Variants in SNTB2 observed in about 807,000 individuals in gnomAD.
SNTB2 encodes beta-2-syntrophin.
Under a neutral mutation model 46.2 loss-of-function variants are expected in SNTB2, and 34 were observed. The observed-to-expected ratio is 0.74, with a 90% confidence interval of 0.56 to 0.98. The LOEUF (loss-of-function observed/expected upper bound fraction) is 0.98. Among genes scored for constraint, SNTB2 ranks in the 50% least tolerant of loss-of-function variants. The pLI, the probability that SNTB2 is intolerant of heterozygous loss-of-function variation, is 0.00. For missense variants in SNTB2, 603 were observed against 731.4 expected, an observed-to-expected ratio of 0.82 and a Z score of 2.02; for synonymous variants, 290 against 312.6, an observed-to-expected ratio of 0.93 and a Z score of 0.76.
intron 1 of SNTB2, among the ~76,000 whole-genome samples, chr16:69,206,430 G>A (rs745668890): frequency 1.6e-4 from 25 of 152,024 alleles, no homozygotes; most frequent in South Asian, 4.1e-4. Context: ...GGCCAGGCGC[G>A]GTGGCTCACG....
At chr16:69,210,946 G>A (rs1964278042) in intron 1 of SNTB2, among the ~76,000 whole-genome samples, 1 of 152,002 alleles carries the variant, frequency 6.6e-6, no homozygotes. Context: ...AGCCGAGATT[G>A]CACCACTCCA....
intron 5 of SNTB2, among the ~76,000 whole-genome samples, chr16:69,289,012 A>G (rs898224738): frequency 1.3e-5 from 2 of 152,002 alleles, no homozygotes; most frequent in South Asian, 2.1e-4. Context: ...GCTCACACCT[A>G]TAATCCCAGC....
intron 1 of SNTB2, among the ~76,000 whole-genome samples, chr16:69,235,178 A>ATT (rs540699447): frequency 1.4e-5 from 2 of 143,336 alleles, no homozygotes; most frequent in Admixed American, 7.0e-5. Context: ...TGCCCAGCTA[A>ATT]TTTTTTTTTT....
chr16:69,211,487 T>C (rs1469237245), intron 1 of SNTB2, among the ~76,000 whole-genome samples: 1 of 150,460 alleles, frequency 6.6e-6, no homozygotes, highest in African/African-American at 2.5e-5. Flanking sequence ...ACCCAGGAGT[T>C]TGAGGTTTGA....
chr16:69,204,866 A>G (rs1964198265), intron 1 of SNTB2, among the ~76,000 whole-genome samples: 1 of 152,200 alleles, frequency 6.6e-6, no homozygotes, highest in Non-Finnish European at 1.5e-5. Context: ...TAGTTTAACC[A>G]CTGGTGAATG....
At chr16:69,270,994 G>A (rs1394034103) in intron 4 of SNTB2, among the ~76,000 whole-genome samples, 1 of 152,182 alleles carries the variant, frequency 6.6e-6, no homozygotes, top group Non-Finnish European at 1.5e-5. Context: ...GTATTTAGTA[G>A]TCAAAAGAGC....
At chr16:69,298,710 C>CG (rs745943619) in intron 5 of SNTB2, among the ~76,000 whole-genome samples, 3 of 151,636 alleles carry the variant, frequency 2.0e-5, no homozygotes, top group Non-Finnish European at 4.4e-5. Flanking sequence ...TTAGTAGAGA[C>CG]GGGGTTTCGC....
chr16:69,260,057 G>A lies in SNTB2; in HGVS notation c.802G>A (p.Glu268Lys), dbSNP rs1448669816. The A allele has an allele frequency of 6.2e-7, 1 of 1,611,230 alleles. No homozygotes were observed. Residue 268 changes from glutamate (E) to lysine (K), a missense_variant, in exon 3 of 7, where the codon GAG becomes AAG. Physicochemically the swap from Glu to Lys is moderately conservative, Grantham distance 56. This residue lies in a region of SNTB2 where 537 missense variants were observed against 692.4 expected (regional missense o/e 0.78). Coordinates refer to ENST00000336278, the MANE Select transcript of SNTB2 (RefSeq NM_006750.4). ...SMPDLENRLIELHSPDSRNTL... is the reference protein window; with the variant it reads ...SMPDLENRLIKLHSPDSRNTL... The stretch of plus-strand genomic sequence containing the variant: ...TTTTCTTTTTCCACACAGATTGATA[G>A]AGCTACATTCTCCTGATAGCAGGAA...
chr16:69,238,073 A>G (rs1049180443), intron 1 of SNTB2, among the ~76,000 whole-genome samples: 4 of 152,056 alleles, frequency 2.6e-5, no homozygotes, highest in African/African-American at 4.8e-5. Context: ...TCTACATGCC[A>G]TCTGTCCCGG....
chr16:69,289,672 G>T (rs1332737172), intron 5 of SNTB2, among the ~76,000 whole-genome samples: 6 of 151,692 alleles, frequency 4.0e-5, no homozygotes, highest in African/African-American at 1.5e-4. Flanking sequence ...ACTGTGGTTC[G>T]CACCTATAAT....
chr16:69,203,055 G>C (rs576802511), intron 1 of SNTB2, among the ~76,000 whole-genome samples: 23 of 151,688 alleles, frequency 1.5e-4, no homozygotes, highest in African/African-American at 5.6e-4. Flanking sequence ...TCTCGCTCTT[G>C]TTGCCCAGGC....
chr16:69,235,927 C>A, intron 1 of SNTB2: 2 of 1,131,400 alleles, frequency 1.8e-6, no homozygotes, highest in Non-Finnish European at 2.3e-6. Context: ...ACTGGTTTAT[C>A]TGTGCTACAT....
chr16:69,276,933 A>G (rs998466124), intron 4 of SNTB2, among the ~76,000 whole-genome samples: 1 of 152,192 alleles, frequency 6.6e-6, no homozygotes, highest in Non-Finnish European at 1.5e-5. Flanking sequence ...ATTTTATTTA[A>G]TCTTGACCCT....
Position 69,218,832 on chromosome 16 carries a change from G to C in SNTB2, c.581-26770G>C, listed in dbSNP as rs1194976432. On this transcript the variant is annotated intron_variant, in intron 1 of 6. Coordinates refer to ENST00000336278, the MANE Select transcript of SNTB2 (RefSeq NM_006750.4). ...ATGTTTGTTCTGTTATTCATAATAAGGTTGTTTATCTCATGATTGCAACTC... is the reference window on the plus strand; with the variant it reads ...ATGTTTGTTCTGTTATTCATAATAACGTTGTTTATCTCATGATTGCAACTC... Among the ~76,000 whole-genome samples, 4 of 152,134 alleles carry C rather than the reference G, an allele frequency of 2.6e-5. No individual in the cohort carries two copies. In the East Asian group the frequency reaches 7.7e-4, roughly 29 times the overall value.
intron 5 of SNTB2, among the ~76,000 whole-genome samples, chr16:69,287,233 A>T (rs910313849): frequency 7.3e-5 from 11 of 150,998 alleles, no homozygotes; most frequent in African/African-American, 1.5e-4. Context: ...CTTTTTTTTT[A>T]AATTGTTTTT....
intron 1 of SNTB2, among the ~76,000 whole-genome samples, chr16:69,208,429 A>T (rs576522728): frequency 1.1e-4 from 17 of 151,582 alleles, no homozygotes; most frequent in African/African-American, 4.1e-4. Context: ...AAAGTAAAAG[A>T]TATAGTATAG....
chr16:69,301,037 G>T lies in SNTB2; in HGVS notation c.*113G>T, dbSNP rs531763342. The T allele has an allele frequency of 4.1e-4, 272 of 658,868 alleles. No homozygotes were observed. The highest frequency in any genetic ancestry group is 6.6e-4 in the Non-Finnish European group (247 of 373,646). The allele number at this position is 658,868 out of a possible 1,614,324, so 40.8% of individuals were successfully genotyped here. On this transcript the variant is annotated 3_prime_UTR_variant, in exon 7 of 7. Coordinates refer to ENST00000336278, the MANE Select transcript of SNTB2 (RefSeq NM_006750.4). ...CTCCTTCAGCACAGTGCCTTCCCAA[G>T]GACCTGCAAATAACTGCTGAACCAT... is the stretch of plus-strand genomic sequence containing the variant.
rs1597200000 is a variant in SNTB2 at position 69,284,140 on chromosome 16, T to C, written c.1241T>C (p.Met414Thr). ...TRTGSRQGIE[M>T]HLFRVETHRD... ...ACAGGCTCTCGACAGGGCATTGAGATGCATCTCTTCAGGGTGGAGACACAT... is the reference window on the plus strand; with the variant it reads ...ACAGGCTCTCGACAGGGCATTGAGACGCATCTCTTCAGGGTGGAGACACAT... The change falls in exon 5 of 7, where the codon ATG (methionine) becomes ACG (threonine). Residue 414 changes from methionine to threonine, a missense_variant. By Grantham distance (81) the Met-to-Thr change is moderately conservative. Transcript: ENST00000336278. 1 of 1,614,104 alleles carries C rather than the reference T, an allele frequency of 6.2e-7. No homozygotes were observed. The highest frequency in any genetic ancestry group is 8.5e-7 in the Non-Finnish European group (1 of 1,180,012).
chr16:69,298,947 AT>A (rs1260476477), intron 5 of SNTB2, among the ~76,000 whole-genome samples: 1 of 152,036 alleles, frequency 6.6e-6, no homozygotes, highest in African/African-American at 2.4e-5. Context: ...ACAATTGGGG[AT>A]TTCCTGTCTA....
Sources: allele counts gnomAD v4.1 joint callset (sites outside exome capture counted in the v4.1 genomes callset), GRCh38; gene constraint gnomAD v4.1.1; regional missense constraint gnomAD v4.1.1; transcripts MANE v1.5; gene names NCBI Gene and HGNC (gene_info 2026-07-23, HGNC 2026-07-21).